DNAI4: variants seen among roughly 807,000 people sequenced by gnomAD.
The protein encoded by DNAI4 is WD repeat domain 78.
A neutral mutation model predicts 105.8 loss-of-function variants in DNAI4; 85 were observed. The ratio of observed to expected loss-of-function variants is 0.80; its 90% CI spans 0.67 to 0.96. The LOEUF (loss-of-function observed/expected upper bound fraction) is 0.96, where lower values mean the gene tolerates loss of function less well. Ranked by LOEUF, DNAI4 falls within the 40% of genes least tolerant of loss-of-function variation. DNAI4 has a pLI of 0.00. For synonymous variants in DNAI4, 352 were observed against 331.5 expected (o/e 1.06, Z -0.67); for missense variants, 1,014 against 1,005.6 (o/e 1.01, Z -0.11).
Position 66,847,533 on chromosome 1 carries a change from A to G in DNAI4, c.1242T>C (p.Asn414=), listed in dbSNP as rs781413204. The change falls in exon 8 of 17, where the codon AAT becomes AAC. Residue 414 remains asparagine (N), a synonymous_variant. Coordinates refer to ENST00000371026, the MANE Select transcript of DNAI4 (RefSeq NM_024763.5). The part of the protein sequence containing the change: ...LFFMERVLME[N]IFQPKLAAYR... ...AAGCTGCAAGTTTGGGCTGAAATAT[A>G]TTTTCCATCAGAACCCGTTCCATAA... 21 of 1,613,368 alleles carry G rather than the reference A, an allele frequency of 1.3e-5. No homozygotes were observed. Among genetic ancestry groups the G allele is most frequent in the Non-Finnish European group, 1.6e-5 (19 of 1,179,896 alleles).
At chr1:66,914,208 C>T (rs577935540) in intron 1 of DNAI4, among the ~76,000 whole-genome samples, 2 of 152,268 alleles carry the variant, frequency 1.3e-5, no homozygotes, top group South Asian at 4.1e-4. Flanking sequence ...ATAGGTTTCA[C>T]GGCACCTCTA....
At chr1:66,858,230 G>T (rs1286454465) in intron 7 of DNAI4, among the ~76,000 whole-genome samples, 1 of 151,850 alleles carries the variant, frequency 6.6e-6, no homozygotes, top group African/African-American at 2.4e-5. Context: ...TATCTCACAT[G>T]AAAGTAATGC....
At chr1:66,830,442 C>G (rs1645841961) in intron 13 of DNAI4, among the ~76,000 whole-genome samples, 1 of 151,490 alleles carries the variant, frequency 6.6e-6, no homozygotes, top group Non-Finnish European at 1.5e-5. Context: ...GAGTTTGACA[C>G]CAGCCTGGAC....
chr1:66,862,443 C>T (rs1048624169), intron 6 of DNAI4, 141 bp from the exon 7 acceptor site: 26 of 827,786 alleles, frequency 3.1e-5, no homozygotes, highest in Non-Finnish European at 4.9e-5. Context: ...GCTACTTGGT[C>T]CACCTGAGGC....
chr1:66,816,679 C>T (rs1645524108), intron 16 of DNAI4, among the ~76,000 whole-genome samples: 1 of 148,608 alleles, frequency 6.7e-6, no homozygotes, highest in Admixed American at 6.8e-5. Flanking sequence ...TATTTACTAA[C>T]AATATGAAAT....
Position 66,862,219 on chromosome 1 carries a change from C to T in DNAI4, c.1024G>A (p.Glu342Lys), listed in dbSNP as rs1317487602. The T allele has an allele frequency of 3.1e-6, 5 of 1,609,262 alleles. No homozygotes were observed. The highest frequency in any genetic ancestry group is 1.3e-5 in the African/African-American group (1 of 74,638). ...VSLSVKQSVVESSSKANVLPK... is the reference protein window; with the variant it reads ...VSLSVKQSVVKSSSKANVLPK... ...AGTACATTTGCTTTACTACTTGACT[C>T]AACCACAGATTGTTTTACTGATAAA... The change falls in exon 7 of 17, where the codon GAG becomes AAG. Residue 342 changes from glutamate (E) to lysine (K), a missense_variant. Coordinates refer to ENST00000371026, the MANE Select transcript of DNAI4 (RefSeq NM_024763.5).
At chr1:66,832,450 G>A (rs1645885310) in intron 13 of DNAI4, among the ~76,000 whole-genome samples, 1 of 152,146 alleles carries the variant, frequency 6.6e-6, no homozygotes, top group African/African-American at 2.4e-5. Flanking sequence ...TATCATAGTG[G>A]CTGAATATTC....
intron 2 of DNAI4, among the ~76,000 whole-genome samples, chr1:66,896,057 G>T (rs1326056618): frequency 2.0e-5 from 3 of 152,112 alleles, no homozygotes; most frequent in African/African-American, 4.8e-5. Context: ...TCAAGGTAAT[G>T]CTAGCCTCAT....
chr1:66,898,330 T>C (rs1321549764), intron 2 of DNAI4, among the ~76,000 whole-genome samples: 1 of 152,156 alleles, frequency 6.6e-6, no homozygotes, highest in African/African-American at 2.4e-5. Context: ...ATGGAATTAA[T>C]GTGTTTTACA....
At chr1:66,839,553 G>C (rs996050970) in intron 9 of DNAI4, among the ~76,000 whole-genome samples, 1 of 151,934 alleles carries the variant, frequency 6.6e-6, no homozygotes, top group African/African-American at 2.4e-5. Context: ...TAAATAAATT[G>C]GTTTTGACTG....
chr1:66,847,707 A>G (rs536864227), intron 7 of DNAI4, 29 bp from the exon 8 acceptor site: 2 of 1,478,020 alleles, frequency 1.4e-6, no homozygotes, highest in East Asian at 4.6e-5. Context: ...ATACAATGAT[A>G]AAATATTCAA....
intron 6 of DNAI4, 63 bp downstream of exon 6, chr1:66,871,307 T>C: frequency 9.7e-6 from 14 of 1,443,086 alleles, no homozygotes; most frequent in Non-Finnish European, 1.3e-5. Context: ...ACTTGTCGAT[T>C]GACAGACTCA....
intron 9 of DNAI4, among the ~76,000 whole-genome samples, chr1:66,838,038 T>C (rs1441394446): frequency 6.6e-6 from 1 of 152,160 alleles, no homozygotes; most frequent in Non-Finnish European, 1.5e-5. Context: ...AAATAACCAA[T>C]TGCTAACAAG....
intron 1 of DNAI4, among the ~76,000 whole-genome samples, chr1:66,914,682 C>T (rs148521480): frequency 6.7e-6 from 1 of 149,568 alleles, no homozygotes; most frequent in African/African-American, 2.5e-5. Context: ...AACAGGTTAT[C>T]AAGAATCAGA....
At chr1:66,891,109 TAAATAACGGACTGTTACTG>T (rs1647600150) in intron 4 of DNAI4, 26 bp downstream of exon 4, 1 of 1,367,904 alleles carries the variant, frequency 7.3e-7, no homozygotes, top group East Asian at 2.3e-5. Context: ...GCATATTGAC[TAAATAACGGACTGTTACTG>T]AAATAAACAA....
intron 6 of DNAI4, among the ~76,000 whole-genome samples, chr1:66,869,575 C>T (rs972900272): frequency 1.3e-5 from 2 of 152,094 alleles, no homozygotes; most frequent in African/African-American, 4.8e-5. Flanking sequence ...TGGTTAAGGA[C>T]TAGAAAAAGT....
At chr1:66,888,691 T>C (rs1007986373) in intron 4 of DNAI4, among the ~76,000 whole-genome samples, 1 of 152,124 alleles carries the variant, frequency 6.6e-6, no homozygotes, top group Non-Finnish European at 1.5e-5. Context: ...AGACTCCGTC[T>C]AAAAAACAAA....
At chr1:66,893,063 G>GAGAGAGAAAGAA (rs879150798) in intron 3 of DNAI4, among the ~76,000 whole-genome samples, 166 bp downstream of exon 3, 66 of 89,552 alleles carry the variant, frequency 7.4e-4, no homozygotes, top group South Asian at 2.0e-3. Context: ...AAGAGAGAGA[G>GAGAGAGAAAGAA]AGAAAGAAAG....
intron 1 of DNAI4, chr1:66,919,089 C>A (rs756756759): frequency 2.3e-6 from 1 of 444,292 alleles, no homozygotes; most frequent in South Asian, 1.6e-5. Flanking sequence ...GTACTTCTTA[C>A]ATATATTGAT....
Sources: allele counts gnomAD v4.1 joint callset (sites outside exome capture counted in the v4.1 genomes callset), GRCh38; gene constraint gnomAD v4.1.1; transcripts MANE v1.5; gene names NCBI Gene and HGNC (gene_info 2026-07-23, HGNC 2026-07-21).